The following SBF2 variants were observed in gnomAD, a reference collection of about 807,000 sequenced individuals.
SBF2 encodes myotubularin-related protein 13.
In SBF2, 112 loss-of-function variants were observed where a neutral mutation model predicts 225.2. The ratio of observed to expected loss-of-function variants is 0.50; its 90% CI spans 0.43 to 0.58. The LOEUF is 0.58. SBF2 is among the 20% of genes least tolerant of loss of function. SBF2 has a pLI of 0.00. For missense variants in SBF2, 1,996 were observed against 2,206.2 expected (o/e 0.90, Z 1.91); for synonymous variants, 763 against 773.3 (o/e 0.99, Z 0.22).
At chr11:10,138,968 C>T (rs3178898) in intron 2 of SBF2, among the ~76,000 whole-genome samples, 11,605 of 152,168 alleles carry the variant, frequency 0.076, 638 homozygotes, top group East Asian at 0.28. Flanking sequence ...CAGGATAAGA[C>T]TGCTAATTTG....
At chr11:10,057,102 G>C (rs1167332008) in intron 2 of SBF2, among the ~76,000 whole-genome samples, 1 of 152,132 alleles carries the variant, frequency 6.6e-6, no homozygotes, top group East Asian at 1.9e-4. Flanking sequence ...AGCCTTCACT[G>C]GTGACACTTC....
chr11:10,096,759 T>G (rs928261861), intron 2 of SBF2, among the ~76,000 whole-genome samples: 1 of 152,204 alleles, frequency 6.6e-6, no homozygotes, highest in African/African-American at 2.4e-5. Context: ...TTTTATCACC[T>G]TGCAATGAGT....
chr11:10,043,159 C>G (rs1238907539), intron 2 of SBF2, among the ~76,000 whole-genome samples, 178 bp from the exon 3 acceptor site: 1 of 152,076 alleles, frequency 6.6e-6, no homozygotes. Flanking sequence ...AAACTTTCAC[C>G]AATGTGCATA....
chr11:9,989,035 G>A (rs1209750292), intron 13 of SBF2, among the ~76,000 whole-genome samples: 2 of 142,602 alleles, frequency 1.4e-5, no homozygotes, highest in Non-Finnish European at 3.1e-5. Flanking sequence ...AAGAAACTGT[G>A]CCAAATATAT....
intron 17 of SBF2, among the ~76,000 whole-genome samples, chr11:9,875,982 T>A (rs1859199709): frequency 6.6e-6 from 1 of 151,292 alleles, no homozygotes; most frequent in Admixed American, 6.6e-5. Context: ...CACTAATACA[T>A]GGGAACGCCA....
At chr11:10,029,713 G>A in intron 5 of SBF2, 52 bp downstream of exon 5, 3 of 1,102,358 alleles carry the variant, frequency 2.7e-6, no homozygotes, top group South Asian at 2.5e-5. Flanking sequence ...ATTAACTGGA[G>A]GAGAGGGGAA....
intron 16 of SBF2, among the ~76,000 whole-genome samples, chr11:9,939,886 G>C (rs1295397925): frequency 6.6e-6 from 1 of 152,128 alleles, no homozygotes; most frequent in Non-Finnish European, 1.5e-5. Context: ...CTAAACTGTG[G>C]AGTAAGTCAT....
At chr11:9,892,143 T>C (rs1048386841) in intron 17 of SBF2, among the ~76,000 whole-genome samples, 3 of 152,190 alleles carry the variant, frequency 2.0e-5, no homozygotes, top group African/African-American at 7.2e-5. Context: ...TTTTGAGACA[T>C]AGTCTTGCTC....
chr11:10,112,224 T>C (rs568543320), intron 2 of SBF2, among the ~76,000 whole-genome samples: 3 of 152,328 alleles, frequency 2.0e-5, no homozygotes, highest in East Asian at 3.9e-4. Context: ...CCACCTGATA[T>C]GGTTTGGCTA....
At chr11:9,926,325 TTG>T (rs1356172639) in intron 16 of SBF2, among the ~76,000 whole-genome samples, 1 of 152,162 alleles carries the variant, frequency 6.6e-6, no homozygotes, top group African/African-American at 2.4e-5. Context: ...ATAAAAAAAA[TTG>T]TCTTTTTTTT....
chr11:9,992,442 A>G lies in SBF2; in HGVS notation c.1269T>C (p.Pro423=). 6.2e-7 allele frequency: 1 copy of G among 1,613,112 alleles called. No homozygotes were observed. The stretch of plus-strand genomic sequence containing the variant: ...CATCAAAGAGATCACAAGATCTATA[A>G]GGAGGACCTCTTTCTGAAACAAAAC... ...FAGFVSERGP[P]YRSCDLFDEL... The change falls in exon 12 of 40, where the codon CCT becomes CCC. Residue 423 remains proline, a synonymous_variant. Transcript: ENST00000256190.
intron 3 of SBF2, among the ~76,000 whole-genome samples, chr11:10,037,950 T>G (rs1182234688): frequency 3.3e-5 from 5 of 152,158 alleles, no homozygotes; most frequent in South Asian, 2.1e-4. Flanking sequence ...TATGATACTA[T>G]GTTTAAATTT....
chr11:10,243,489 G>A (rs11042687), intron 1 of SBF2, among the ~76,000 whole-genome samples: 74,315 of 151,006 alleles, frequency 0.49, 18,599 homozygotes, highest in Non-Finnish European at 0.54. Context: ...AAATAAATGA[G>A]AAAGAGACGA....
chr11:10,083,194 A>G (rs1312854669), intron 2 of SBF2, among the ~76,000 whole-genome samples: 1 of 152,206 alleles, frequency 6.6e-6, no homozygotes, highest in African/African-American at 2.4e-5. Context: ...AAAGATCTCT[A>G]CAAGGACAAC....
intron 1 of SBF2, among the ~76,000 whole-genome samples, chr11:10,300,472 C>A (rs7107727): frequency 6.6e-6 from 1 of 151,592 alleles, no homozygotes; most frequent in Admixed American, 6.6e-5. Flanking sequence ...TCAAGACCAG[C>A]GTGGGCAACA....
At chr11:10,086,138 G>A (rs1209260572) in intron 2 of SBF2, among the ~76,000 whole-genome samples, 2 of 151,754 alleles carry the variant, frequency 1.3e-5, no homozygotes, top group African/African-American at 4.8e-5. Flanking sequence ...AACAGGCTAA[G>A]TTTCCTTTTT....
intron 2 of SBF2, among the ~76,000 whole-genome samples, chr11:10,115,514 T>C (rs1953094269): frequency 6.6e-6 from 1 of 152,328 alleles, no homozygotes; most frequent in African/African-American, 2.4e-5. Context: ...CACAGAAATA[T>C]ACTACATTCC....
chr11:10,193,496 A>G (rs533028547), intron 2 of SBF2, among the ~76,000 whole-genome samples: 84 of 151,892 alleles, frequency 5.5e-4, no homozygotes, highest in Non-Finnish European at 9.4e-4. Context: ...CTGGGACTAC[A>G]GACGCCCGCC....
intron 16 of SBF2, chr11:9,959,561 T>G (rs1331575557): frequency 1.3e-6 from 1 of 774,152 alleles, no homozygotes; most frequent in Non-Finnish European, 2.4e-6. Flanking sequence ...TCCCAAAACA[T>G]GGCAGCAGGC....
Sources: gnomAD v4.1 joint callset for allele counts (sites outside exome capture counted in the v4.1 genomes callset) on GRCh38, gnomAD v4.1.1 for gene constraint, MANE v1.5 for transcripts, NCBI Gene and HGNC (gene_info 2026-07-23, HGNC 2026-07-21) for gene names.